ZDHHC21: variants seen among roughly 807,000 people sequenced by gnomAD.
The protein encoded by ZDHHC21 is zDHHC palmitoyltransferase 21.
Under a neutral mutation model 34.6 loss-of-function variants are expected in ZDHHC21, and 15 were observed. The observed-to-expected ratio is 0.43, with a 90% CI of 0.29 to 0.67. The LOEUF is 0.67. Among genes scored for constraint, ZDHHC21 ranks in the 30% least tolerant of loss-of-function variants. The pLI is 0.14. For missense variants in ZDHHC21, 344 were observed against 327.7 expected, an observed-to-expected ratio of 1.05 and a Z score of -0.38; for synonymous variants, 142 against 101.8, an observed-to-expected ratio of 1.40 and a Z score of -2.38.
At chr9:14,644,887 T>C (rs1830031693) in intron 7 of ZDHHC21, among the ~76,000 whole-genome samples, 1 of 151,978 alleles carries the variant, frequency 6.6e-6, no homozygotes, top group Admixed American at 6.6e-5. Flanking sequence ...TGCTAAGCTG[T>C]TTCTTTATTT....
intron 1 of ZDHHC21, among the ~76,000 whole-genome samples, chr9:14,691,870 G>T (rs1240733313): frequency 6.6e-6 from 1 of 152,102 alleles, no homozygotes; most frequent in Admixed American, 6.5e-5. Flanking sequence ...CCACGTTAAA[G>T]GGTCTTATTT....
In ZDHHC21 at chr9:14,619,192, G is replaced by A. The variant is rs555136570; in HGVS notation, c.666-94C>T. ...CAGATTGGCTGGGGATCCATTACTGGACTCTGATGAATTGTGTCCCAGCAT... is the reference window on the plus strand; with the variant it reads ...CAGATTGGCTGGGGATCCATTACTGAACTCTGATGAATTGTGTCCCAGCAT... On this transcript the variant is annotated intron_variant, in intron 9 of 9. Transcript: ENST00000380916. 1.6e-4 allele frequency: 207 copies of A among 1,320,774 alleles called. 2 individuals are homozygous for A. The South Asian group carries it at 3.3e-3, about 21-fold the overall frequency. 81.8% of individuals were successfully genotyped at this position (1,320,774 alleles called of 1,614,324 possible).
chr9:14,655,718 T>A (rs1245766577), intron 7 of ZDHHC21, among the ~76,000 whole-genome samples: 1 of 151,810 alleles, frequency 6.6e-6, no homozygotes, highest in Non-Finnish European at 1.5e-5. Context: ...ATTGGAATTT[T>A]TTTTAAATTA....
chr9:14,618,963 T>G lies in ZDHHC21; in HGVS notation c.*3A>C. The G allele has an allele frequency of 6.3e-7, 1 of 1,593,570 alleles. No individual in the cohort carries two copies. Among genetic ancestry groups the G allele is most frequent in the Admixed American group, 1.7e-5 (1 of 57,524 alleles). On this transcript the variant is annotated 3_prime_UTR_variant, in exon 10 of 10. Coordinates refer to ENST00000380916, the MANE Select transcript of ZDHHC21 (RefSeq NM_178566.6). The stretch of plus-strand genomic sequence containing the variant: ...GACCCATCTGTGCCCACCATCCATC[T>G]GTTTAGACATGATTGGCAAAGTGGT...
At chr9:14,689,784 A>C (rs1394387325) in intron 2 of ZDHHC21, among the ~76,000 whole-genome samples, 1 of 152,194 alleles carries the variant, frequency 6.6e-6, no homozygotes, top group Non-Finnish European at 1.5e-5. Context: ...TGTTTGTCTG[A>C]GACAGGGTCT....
At chr9:14,657,783 C>G (rs549557540) in intron 7 of ZDHHC21, among the ~76,000 whole-genome samples, 1 of 152,148 alleles carries the variant, frequency 6.6e-6, no homozygotes, top group Non-Finnish European at 1.5e-5. Flanking sequence ...CCACTAAACT[C>G]TACTTCTCTG....
At chr9:14,660,044 T>C (rs370628766) in intron 6 of ZDHHC21, among the ~76,000 whole-genome samples, 2 of 152,066 alleles carry the variant, frequency 1.3e-5, no homozygotes, top group East Asian at 1.9e-4. Flanking sequence ...TCTATATGAG[T>C]TCTTTTTGTA....
intron 6 of ZDHHC21, among the ~76,000 whole-genome samples, chr9:14,660,626 C>G (rs1482629555): frequency 6.6e-6 from 1 of 152,116 alleles, no homozygotes; most frequent in Non-Finnish European, 1.5e-5. Context: ...TGTCTACTCT[C>G]CTTTCTGATC....
At chr9:14,682,763 C>G (rs1837604464) in intron 2 of ZDHHC21, among the ~76,000 whole-genome samples, 1 of 152,142 alleles carries the variant, frequency 6.6e-6, no homozygotes, top group Non-Finnish European at 1.5e-5. Context: ...CGCATTTACT[C>G]CAAAACTGAC....
the ZDHHC21 span, chr9:14,594,269 A>G: frequency 1.3e-5 from 2 of 152,228 alleles, no homozygotes; most frequent in African/African-American, 4.8e-5. Flanking sequence ...GATAGGTAAA[A>G]TAATTTTGAA....
At chr9:14,677,655 T>C (rs1041004226) in intron 3 of ZDHHC21, among the ~76,000 whole-genome samples, 1 of 152,088 alleles carries the variant, frequency 6.6e-6, no homozygotes, top group African/African-American at 2.4e-5. Flanking sequence ...ACTTCAACAT[T>C]TTTTAAGATT....
chr9:14,670,034 A>G (rs1835174639), intron 5 of ZDHHC21, among the ~76,000 whole-genome samples: 3 of 151,850 alleles, frequency 2.0e-5, no homozygotes, highest in African/African-American at 4.8e-5. Flanking sequence ...AAAAAACAAA[A>G]CAAACAAACA....
In ZDHHC21 at chr9:14,618,933, T is replaced by G. The variant is rs1273425983; in HGVS notation, c.*33A>C. The G allele has an allele frequency of 1.9e-6, 3 of 1,551,960 alleles. No homozygotes were observed. Among genetic ancestry groups the G allele is most frequent in the Non-Finnish European group, 1.7e-6 (2 of 1,148,418 alleles). On this transcript the variant is annotated 3_prime_UTR_variant, in exon 10 of 10. Coordinates refer to ENST00000380916, the MANE Select transcript of ZDHHC21 (RefSeq NM_178566.6). Reference sequence around the variant, plus strand: ...TAAAACCTGTAACGCATTGCCAGCATGGAGGACCCATCTGTGCCCACCATC... The same window carrying G: ...TAAAACCTGTAACGCATTGCCAGCAGGGAGGACCCATCTGTGCCCACCATC...
chr9:14,642,327 T>C (rs1191811467), intron 7 of ZDHHC21, among the ~76,000 whole-genome samples: 4 of 152,198 alleles, frequency 2.6e-5, no homozygotes, highest in Admixed American at 1.3e-4. Flanking sequence ...ACATCTTTAC[T>C]TCTGTCTTAG....
At chr9:14,662,768 T>C (rs1293385660) in intron 5 of ZDHHC21, among the ~76,000 whole-genome samples, 1 of 152,190 alleles carries the variant, frequency 6.6e-6, no homozygotes, top group African/African-American at 2.4e-5. Context: ...ATTAGTAAAC[T>C]GAAATCAACC....
chr9:14,648,261 C>A (rs141107011), intron 7 of ZDHHC21, among the ~76,000 whole-genome samples: 1 of 152,188 alleles, frequency 6.6e-6, no homozygotes, highest in African/African-American at 2.4e-5. Flanking sequence ...ATTTTAGCAG[C>A]CTAGTAGCTG....
At chr9:14,596,613 G>C in the ZDHHC21 span, among the ~76,000 whole-genome samples, 2 of 152,128 alleles carry the variant, frequency 1.3e-5, no homozygotes, top group Admixed American at 1.3e-4. Context: ...GCAAGAGCTT[G>C]ACTAACAAAT....
chr9:14,641,017 C>G (rs915635354), intron 7 of ZDHHC21, among the ~76,000 whole-genome samples: 1 of 152,082 alleles, frequency 6.6e-6, no homozygotes, highest in Admixed American at 6.6e-5. Context: ...ATAAAAGCAC[C>G]AAGTGGATGG....
intron 5 of ZDHHC21, 133 bp downstream of exon 5, chr9:14,672,697 G>T: frequency 1.7e-6 from 1 of 590,428 alleles, no homozygotes; most frequent in Non-Finnish European, 2.8e-6. Context: ...GTTTGGAAAA[G>T]ACACATACAA....
Sources: allele counts gnomAD v4.1 joint callset (sites outside exome capture counted in the v4.1 genomes callset), GRCh38; gene constraint gnomAD v4.1.1; transcripts MANE v1.5; gene names NCBI Gene and HGNC (gene_info 2026-07-23, HGNC 2026-07-21).